Variants in DYSF observed in about 807,000 individuals in gnomAD.
The protein encoded by DYSF is dystrophy-associated fer-1-like 1.
In DYSF, 212 loss-of-function variants were observed where a neutral mutation model predicts 274.9. The observed-to-expected ratio is 0.77, with a 90% CI of 0.69 to 0.86. DYSF has a LOEUF of 0.86. Ranked by LOEUF, DYSF falls within the 40% of genes least tolerant of loss-of-function variation. DYSF has a pLI of 0.00. For missense variants in DYSF, 2,666 were observed against 2,783.2 expected, an observed-to-expected ratio of 0.96 and a Z score of 0.95; for synonymous variants, 1,091 against 1,078.7, an observed-to-expected ratio of 1.01 and a Z score of -0.22.
chr2:71,680,569 A>G (rs2095283347), intron 53 of DYSF, among the ~76,000 whole-genome samples: 1 of 152,270 alleles, frequency 6.6e-6, no homozygotes, highest in African/African-American at 2.4e-5. Flanking sequence ...TAAATGAACC[A>G]AAATAAGTAG....
At chr2:71,568,598 G>A (rs974388496) in intron 26 of DYSF, among the ~76,000 whole-genome samples, 2 of 149,412 alleles carry the variant, frequency 1.3e-5, no homozygotes. Context: ...GTCTCACTCT[G>A]TTTGGAGGCT....
Position 71,680,767 on chromosome 2 carries a change from G to A in DYSF, c.6064-234G>A, listed in dbSNP as rs60834597. Among the ~76,000 whole-genome samples, 537 of 152,346 alleles carry A rather than the reference G, an allele frequency of 3.5e-3. 11 individuals carry two copies. The East Asian group carries it at 0.039, about 11-fold the overall frequency. ...AAAATCAGCTATGATGCATGCAAAT[G>A]TTAACAGTGCTTGTCTCCATGTAGT... On this transcript the variant is annotated intron_variant, in intron 53 of 55. Transcript: ENST00000410020.
chr2:71,649,919 A>G (rs2094626862), intron 42 of DYSF, among the ~76,000 whole-genome samples: 1 of 152,224 alleles, frequency 6.6e-6, no homozygotes, highest in African/African-American at 2.4e-5. Flanking sequence ...AATGCAAATT[A>G]AATGACAGCA....
At chr2:71,568,896 G>A (rs1301692636) in intron 26 of DYSF, among the ~76,000 whole-genome samples, 22 of 148,086 alleles carry the variant, frequency 1.5e-4, no homozygotes, top group Non-Finnish European at 2.7e-4. Context: ...TTTTTGAGAC[G>A]GAGTCTCGCT....
intron 8 of DYSF, 46 bp from the exon 9 acceptor site, chr2:71,516,134 G>A (rs765338016): frequency 7.0e-6 from 11 of 1,574,522 alleles, no homozygotes; most frequent in Non-Finnish European, 9.6e-6. Flanking sequence ...CCTGGCCTGA[G>A]GGATCAGCAG....
In DYSF at chr2:71,570,315, C is replaced by G. The variant is rs1198533657; in HGVS notation, c.3066C>G (p.Asn1022Lys). The G allele has an allele frequency of 3.1e-6, 5 of 1,614,000 alleles. No homozygotes were observed. Among genetic ancestry groups the G allele is most frequent in the Non-Finnish European group, 4.2e-6 (5 of 1,180,008 alleles). Residue 1022 changes from asparagine to lysine, a missense_variant, in exon 28 of 56, where the codon AAC (asparagine) becomes AAG (lysine). Coordinates refer to ENST00000410020, the MANE Select transcript of DYSF (RefSeq NM_001130987.2). ...ATGAGGAATGGTCCACAGACCTCAACCGGGCTGTCGATGAGCAAGGTGGGC... is the reference window on the plus strand; with the variant it reads ...ATGAGGAATGGTCCACAGACCTCAAGCGGGCTGTCGATGAGCAAGGTGGGC... ...WEDEEWSTDL[N>K]RAVDEQGWEY...
intron 53 of DYSF, 137 bp downstream of exon 53, chr2:71,679,372 C>T (rs111640959): frequency 1.7e-5 from 15 of 877,880 alleles, no homozygotes; most frequent in Admixed American, 7.3e-5. Context: ...CCCATCCCCC[C>T]TCTCTCTCTA....
intron 22 of DYSF, among the ~76,000 whole-genome samples, chr2:71,559,602 C>A (rs1327810432): frequency 1.3e-5 from 2 of 152,184 alleles, no homozygotes; most frequent in East Asian, 1.9e-4. Context: ...CCCTCAGCAC[C>A]CCCACCCCTA....
intron 40 of DYSF, among the ~76,000 whole-genome samples, chr2:71,614,092 G>C (rs1004492814): frequency 1.3e-5 from 2 of 152,142 alleles, no homozygotes; most frequent in Non-Finnish European, 2.9e-5. Flanking sequence ...TTGTGCTGAG[G>C]GGCAGCGCTC....
chr2:71,535,475 T>A (rs2089238429), intron 16 of DYSF, among the ~76,000 whole-genome samples, 164 bp downstream of exon 16: 1 of 151,932 alleles, frequency 6.6e-6, no homozygotes, highest in Non-Finnish European at 1.5e-5. Flanking sequence ...TGTGGGCAGT[T>A]CCTCGGAAGC....
chr2:71,533,798 A>G (rs1488752430), intron 14 of DYSF, among the ~76,000 whole-genome samples: 1 of 152,174 alleles, frequency 6.6e-6, no homozygotes, highest in Non-Finnish European at 1.5e-5. Flanking sequence ...AGAGATTTTT[A>G]TGAATCTGAT....
chr2:71,628,353 A>G (rs1385533607), intron 41 of DYSF, among the ~76,000 whole-genome samples: 1 of 151,124 alleles, frequency 6.6e-6, no homozygotes, highest in Non-Finnish European at 1.5e-5. Context: ...TTTTTTACCT[A>G]CCTTTTTAAA....
intron 40 of DYSF, among the ~76,000 whole-genome samples, chr2:71,619,560 A>C (rs921740347): frequency 6.6e-6 from 1 of 152,090 alleles, no homozygotes; most frequent in South Asian, 2.1e-4. Flanking sequence ...CGCCCCTTGG[A>C]GTCCTCCCAG....
chr2:71,587,704 G>T (rs2093118920), intron 30 of DYSF, among the ~76,000 whole-genome samples: 1 of 152,182 alleles, frequency 6.6e-6, no homozygotes, highest in Admixed American at 6.5e-5. Context: ...CTTGCCCAAA[G>T]TCACACAGCC....
intron 55 of DYSF, among the ~76,000 whole-genome samples, chr2:71,685,531 G>C (rs946281559): frequency 2.0e-5 from 3 of 152,230 alleles, no homozygotes; most frequent in African/African-American, 7.2e-5. Flanking sequence ...CAGGCCATGG[G>C]ACAGAGGCTG....
intron 12 of DYSF, among the ~76,000 whole-genome samples, chr2:71,521,485 T>G (rs1378887221): frequency 6.6e-6 from 1 of 152,194 alleles, no homozygotes; most frequent in Non-Finnish European, 1.5e-5. Flanking sequence ...TGGAGCCACT[T>G]GCCTCATGGT....
chr2:71,623,604 C>T (rs1383042782), intron 41 of DYSF, among the ~76,000 whole-genome samples: 3 of 151,886 alleles, frequency 2.0e-5, no homozygotes, highest in Non-Finnish European at 4.4e-5. Context: ...TGGTATAAAT[C>T]ATATCCAAAA....
At chr2:71,519,092 CAAA>C (rs70959240) in intron 10 of DYSF, among the ~76,000 whole-genome samples, 4,829 of 58,898 alleles carry the variant, frequency 0.082, 35 homozygotes, top group African/African-American at 0.099. Flanking sequence ...CACTCCATCT[CAAA>C]AAAAAAAAAA....
In DYSF at chr2:71,669,598, T is replaced by C; in HGVS notation, c.5643-7T>C. 2 of 1,614,194 alleles carry C rather than the reference T, an allele frequency of 1.2e-6. No homozygotes were observed. Among genetic ancestry groups the C allele is most frequent in the Non-Finnish European group, 1.7e-6 (2 of 1,180,028 alleles). On this transcript the variant is annotated splice_region_variant and splice_polypyrimidine_tract_variant and intron_variant, in intron 50 of 55. Transcript: ENST00000410020. ...GAGAACTATTCTCTAAAAACATGTA[T>C]GTCTAGTTGGATGATTGGCTTTGAA...
Sources: allele counts gnomAD v4.1 joint callset (sites outside exome capture counted in the v4.1 genomes callset), GRCh38; gene constraint gnomAD v4.1.1; transcripts MANE v1.5; gene names NCBI Gene and HGNC (gene_info 2026-07-23, HGNC 2026-07-21).